Variants in VPS53 observed in about 807,000 individuals in gnomAD.
VPS53 encodes vacuolar protein sorting-associated protein 53 homolog.
VPS53 carries 70 observed loss-of-function variants against 107.0 expected under a neutral mutation model. That is an observed-to-expected ratio of 0.65 (90% CI 0.54 to 0.80). The LOEUF (loss-of-function observed/expected upper bound fraction) is 0.80. Among genes scored for constraint, VPS53 ranks in the 30% least tolerant of loss-of-function variants. The pLI, the probability that VPS53 is intolerant of heterozygous loss-of-function variation, is 0.00. For missense variants in VPS53, 917 were observed against 1,049.4 expected (o/e 0.87, Z 1.74); for synonymous variants, 409 against 393.3 (o/e 1.04, Z -0.47).
At chr17:562,961 C>CT (rs934021567) in intron 13 of VPS53, among the ~76,000 whole-genome samples, 1 of 152,122 alleles carries the variant, frequency 6.6e-6, no homozygotes, top group African/African-American at 2.4e-5. Flanking sequence ...ATTCTAATCT[C>CT]TAAGTCGATT....
In VPS53 at chr17:560,588, C is replaced by G. The variant is rs770750598; in HGVS notation, c.1557-15G>C. 8.1e-6 allele frequency: 13 copies of G among 1,611,240 alleles called. No individual in the cohort carries two copies. Among genetic ancestry groups the G allele is most frequent in the African/African-American group, 1.3e-5 (1 of 74,824 alleles). On this transcript the variant is annotated splice_polypyrimidine_tract_variant and intron_variant, in intron 14 of 21. Transcript: ENST00000437048. ...TGGTTGTGGTTCTGAAGAAAAGGAA[C>G]AGGAACAAGTCAGCATGGAATTTCT...
At chr17:676,168 A>G (rs1370300507) in intron 4 of VPS53, 2 of 152,238 alleles carry the variant, frequency 1.3e-5, no homozygotes, top group Non-Finnish European at 2.9e-5. Flanking sequence ...ACTCTTGAAA[A>G]TGGAGACTTA....
chr17:600,479 G>C (rs1258395272), intron 12 of VPS53, among the ~76,000 whole-genome samples: 1 of 152,236 alleles, frequency 6.6e-6, no homozygotes, highest in African/African-American at 2.4e-5. Context: ...TTAGTTACAA[G>C]AAACTGTTTG....
At chr17:572,394 C>T (rs1250031157) in intron 13 of VPS53, among the ~76,000 whole-genome samples, 2 of 150,190 alleles carry the variant, frequency 1.3e-5, no homozygotes, top group Non-Finnish European at 3.0e-5. Context: ...GGGCAGCCAC[C>T]CCGTCCGGGA....
chr17:623,743 G>T, intron 10 of VPS53, 69 bp from the exon 11 acceptor site: 1 of 1,476,710 alleles, frequency 6.8e-7, no homozygotes, highest in Non-Finnish European at 9.1e-7. Flanking sequence ...TAAGGTAAAT[G>T]GCCTTAGCTT....
chr17:683,162 T>C (rs1024981307), intron 4 of VPS53, among the ~76,000 whole-genome samples: 1 of 152,148 alleles, frequency 6.6e-6, no homozygotes, highest in Non-Finnish European at 1.5e-5. Flanking sequence ...AGGACAGTAT[T>C]AAATGTTCTA....
intron 19 of VPS53, among the ~76,000 whole-genome samples, chr17:529,564 C>A (rs145974959): frequency 6.6e-6 from 1 of 152,168 alleles, no homozygotes; most frequent in East Asian, 1.9e-4. Flanking sequence ...TCAGCCAGAG[C>A]AGGCTCAGAA....
At chr17:690,253 C>A (rs558024354) in intron 4 of VPS53, among the ~76,000 whole-genome samples, 3 of 152,186 alleles carry the variant, frequency 2.0e-5, no homozygotes, top group Non-Finnish European at 4.4e-5. Context: ...GAGACACACA[C>A]GGTCTGACAA....
intron 12 of VPS53, among the ~76,000 whole-genome samples, chr17:588,817 T>C (rs1459616534): frequency 6.6e-6 from 1 of 152,246 alleles, no homozygotes; most frequent in Non-Finnish European, 1.5e-5. Flanking sequence ...TGGGAGTTTT[T>C]CTGCATTTCC....
chr17:575,837 A>G (rs953342432), intron 13 of VPS53, among the ~76,000 whole-genome samples: 1 of 124,406 alleles, frequency 8.0e-6, no homozygotes, highest in African/African-American at 3.2e-5. Context: ...TTCCTAGAAA[A>G]CTCTCAGAAC....
rs549864132 is a variant in VPS53, at chr17:518,947, C to A, written c.*181G>T. 4.8e-6 allele frequency: 3 copies of A among 622,698 alleles called. No individual in the cohort carries two copies. 38.6% of individuals were successfully genotyped at this position (622,698 alleles called of 1,614,324 possible). A position where few individuals can be genotyped will look rare whatever the true frequency, so the allele number is the denominator to read the frequency against. ...CTCTTAGAGCCCAGCCCTTACTCAG[C>A]GTCTCCGATTAGGGCAGGAAGTAAG... is the stretch of plus-strand genomic sequence containing the variant. On this transcript the variant is annotated 3_prime_UTR_variant, in exon 22 of 22. Coordinates refer to ENST00000437048, the MANE Select transcript of VPS53 (RefSeq NM_001128159.3).
intron 12 of VPS53, among the ~76,000 whole-genome samples, chr17:590,186 G>A (rs1328582360): frequency 1.3e-5 from 2 of 151,646 alleles, no homozygotes; most frequent in Non-Finnish European, 3.0e-5. Context: ...TTTGTCTGTT[G>A]TTGGTGTATA....
chr17:638,496 G>T (rs1167244257), intron 7 of VPS53, among the ~76,000 whole-genome samples: 1 of 152,206 alleles, frequency 6.6e-6, no homozygotes. Context: ...AATTGATGCA[G>T]TTTCTTCCTA....
chr17:707,325 C>T (rs1191769159), intron 2 of VPS53, among the ~76,000 whole-genome samples: 3 of 152,016 alleles, frequency 2.0e-5, no homozygotes. Context: ...AATTTGAGAC[C>T]AGCCTGGCCA....
At chr17:585,166 T>C (rs770415232) in intron 13 of VPS53, among the ~76,000 whole-genome samples, 18 of 152,200 alleles carry the variant, frequency 1.2e-4, no homozygotes, top group Admixed American at 3.3e-4. Context: ...AGGTACCACC[T>C]AAAGCAAGTA....
intron 13 of VPS53, among the ~76,000 whole-genome samples, chr17:566,073 G>A (rs1375571998): frequency 2.0e-5 from 3 of 150,732 alleles, no homozygotes; most frequent in Admixed American, 6.6e-5. Flanking sequence ...GCGTAGTGGC[G>A]GGCGCCTGTA....
intron 7 of VPS53, among the ~76,000 whole-genome samples, chr17:646,258 T>C (rs112962690): frequency 8.0e-6 from 1 of 124,392 alleles, no homozygotes; most frequent in African/African-American, 2.8e-5. Flanking sequence ...TTCTAATCCA[T>C]ACCACGGACT....
chr17:681,609 G>A (rs1447879747), intron 4 of VPS53, among the ~76,000 whole-genome samples: 1 of 152,172 alleles, frequency 6.6e-6, no homozygotes, highest in African/African-American at 2.4e-5. Context: ...ATAGATATAT[G>A]TAGTTAGAAA....
chr17:667,883 C>A (rs1442996110), intron 4 of VPS53, among the ~76,000 whole-genome samples: 3 of 152,046 alleles, frequency 2.0e-5, no homozygotes, highest in African/African-American at 4.8e-5. Flanking sequence ...CTCATAGGAG[C>A]GCGAACCCTA....
Sources: gnomAD v4.1 joint callset for allele counts (sites outside exome capture counted in the v4.1 genomes callset) on GRCh38, gnomAD v4.1.1 for gene constraint, MANE v1.5 for transcripts, NCBI Gene and HGNC (gene_info 2026-07-23, HGNC 2026-07-21) for gene names.